PTPRG: variants seen among roughly 807,000 people sequenced by gnomAD.
The protein encoded by PTPRG is protein tyrosine phosphatase receptor type G.
A neutral mutation model predicts 165.3 loss-of-function variants in PTPRG; 102 were observed. The observed-to-expected ratio is 0.62, with a 90% confidence interval of 0.53 to 0.73. The LOEUF is 0.73. Among genes scored for constraint, PTPRG ranks in the 30% least tolerant of loss-of-function variants. The pLI is 0.00. For synonymous variants in PTPRG, 675 were observed against 669.5 expected (o/e 1.01, Z -0.13); for missense variants, 1,866 against 1,861.4 (o/e 1.00, Z -0.05).
chr3:61,865,212 A>T (rs1236945590), intron 2 of PTPRG, among the ~76,000 whole-genome samples: 1 of 152,090 alleles, frequency 6.6e-6, no homozygotes, highest in Non-Finnish European at 1.5e-5. Context: ...GCTTATTAGA[A>T]TGCTGTCAGT....
chr3:62,034,712 G>T (rs548126572), intron 4 of PTPRG, among the ~76,000 whole-genome samples: 1 of 152,288 alleles, frequency 6.6e-6, no homozygotes, highest in South Asian at 2.1e-4. Context: ...CCACTCAAAA[G>T]AAATTTTTTA....
intron 2 of PTPRG, among the ~76,000 whole-genome samples, chr3:61,935,923 C>A (rs1327252333): frequency 2.0e-5 from 3 of 152,012 alleles, no homozygotes. Context: ...GAAACTTAAT[C>A]CCCAGTGTAA....
chr3:62,080,648 T>G (rs979519565), intron 5 of PTPRG, among the ~76,000 whole-genome samples: 1 of 152,188 alleles, frequency 6.6e-6, no homozygotes, highest in Non-Finnish European at 1.5e-5. Flanking sequence ...AAAAAAACTT[T>G]TTAATGTTTT....
At chr3:62,206,044 G>A (rs542560944) in intron 12 of PTPRG, among the ~76,000 whole-genome samples, 4 of 152,156 alleles carry the variant, frequency 2.6e-5, no homozygotes, top group Non-Finnish European at 5.9e-5. Flanking sequence ...TATGGGCTCT[G>A]GCAAAGTAGC....
At chr3:61,942,860 T>C (rs879396812) in intron 2 of PTPRG, among the ~76,000 whole-genome samples, 3 of 152,220 alleles carry the variant, frequency 2.0e-5, no homozygotes, top group Non-Finnish European at 2.9e-5. Flanking sequence ...TTCCCAAACA[T>C]GATATGAAGA....
chr3:61,657,471 C>T (rs1444162469), intron 1 of PTPRG, among the ~76,000 whole-genome samples: 3 of 152,034 alleles, frequency 2.0e-5, no homozygotes, highest in African/African-American at 7.3e-5. Context: ...CCCGTCTCTA[C>T]ACAAAATAAA....
intron 26 of PTPRG, among the ~76,000 whole-genome samples, chr3:62,279,952 C>T (rs907830089): frequency 3.9e-5 from 6 of 152,088 alleles, no homozygotes; most frequent in Non-Finnish European, 7.4e-5. Context: ...GATTAGGATA[C>T]GTGGTGTACA....
chr3:62,003,522 G>A (rs138601102), intron 4 of PTPRG, 25 bp downstream of exon 4: 18 of 1,611,634 alleles, frequency 1.1e-5, no homozygotes, highest in East Asian at 2.2e-5. Context: ...AGATCTCAAC[G>A]TGTAGCTGTG....
intron 2 of PTPRG, among the ~76,000 whole-genome samples, chr3:61,984,905 C>T (rs1352241886): frequency 7.2e-5 from 11 of 152,050 alleles, no homozygotes; most frequent in Non-Finnish European, 1.3e-4. Context: ...TAGAATGTTC[C>T]CCAATTTGGG....
At chr3:61,837,562 G>A (rs367602198) in intron 2 of PTPRG, among the ~76,000 whole-genome samples, 74 of 152,306 alleles carry the variant, frequency 4.9e-4, no homozygotes, top group Middle Eastern at 3.4e-3. Flanking sequence ...ATAGACAAGA[G>A]CGGATCAGCA....
intron 3 of PTPRG, among the ~76,000 whole-genome samples, chr3:62,000,744 G>A (rs916083170): frequency 2.0e-5 from 3 of 152,188 alleles, no homozygotes; most frequent in Non-Finnish European, 4.4e-5. Context: ...AACTTTCTCT[G>A]AAAACAGAGA....
chr3:62,185,301 A>G (rs985704992), intron 8 of PTPRG, among the ~76,000 whole-genome samples: 9 of 152,188 alleles, frequency 5.9e-5, no homozygotes, highest in Non-Finnish European at 1.0e-4. Flanking sequence ...CACAGGGGAT[A>G]TTTGTTTAGA....
intron 1 of PTPRG, among the ~76,000 whole-genome samples, chr3:61,607,785 T>C (rs958418091): frequency 2.0e-5 from 3 of 152,106 alleles, no homozygotes; most frequent in Non-Finnish European, 4.4e-5. Context: ...AATAAATAAA[T>C]GCCATGTGGG....
In PTPRG at chr3:61,697,790, C is replaced by G. The variant is rs73842319; in HGVS notation, c.86-51088C>G. 2.5e-3 allele frequency among the ~76,000 whole-genome samples: 387 copies of G among 152,276 alleles called. 6 individuals are homozygous for G. Among genetic ancestry groups the G allele is most frequent in the African/African-American group, 9.0e-3 (373 of 41,556 alleles). ...CTTTCCCCTATGAAAAGGGTAGTTA[C>G]GCCTCAACCATTTGGCCCTTCTTTG... On this transcript the variant is annotated intron_variant, in intron 1 of 29. Transcript: ENST00000474889.
At position 62,167,951 on chromosome 3, in the gene PTPRG, C is replaced by A. The variant is rs757834576; in HGVS notation, c.841-20C>A. On this transcript the variant is annotated intron_variant, in intron 7 of 29. Transcript: ENST00000474889. ...GTGTTGTTTTTTTTTTCCCCCTCCC[C>A]TCTCTGGTCCTCTGTTCAGCTTGAG... 5.0e-6 allele frequency: 8 copies of A among 1,599,314 alleles called. No individual in the cohort carries two copies. In the East Asian group the frequency reaches 1.6e-4, roughly 31 times the overall value.
chr3:61,934,084 T>C (rs2039427553), intron 2 of PTPRG, among the ~76,000 whole-genome samples: 1 of 152,254 alleles, frequency 6.6e-6, no homozygotes, highest in African/African-American at 2.4e-5. Context: ...ATTTAGCTTG[T>C]TCTACAGGGT....
chr3:61,760,904 C>T (rs952520155), intron 2 of PTPRG, among the ~76,000 whole-genome samples: 4 of 152,258 alleles, frequency 2.6e-5, no homozygotes, highest in Admixed American at 1.3e-4. Context: ...GCTTCATTCA[C>T]ATCCCTGCAA....
chr3:61,985,193 A>T (rs1369853743), intron 2 of PTPRG, among the ~76,000 whole-genome samples: 3 of 152,240 alleles, frequency 2.0e-5, no homozygotes, highest in African/African-American at 7.2e-5. Flanking sequence ...CAAATGGGAA[A>T]TGCCTGAGTA....
intron 2 of PTPRG, among the ~76,000 whole-genome samples, chr3:61,918,673 C>T (rs964144183): frequency 1.3e-5 from 2 of 152,182 alleles, no homozygotes; most frequent in African/African-American, 4.8e-5. Flanking sequence ...GCTTCCTTTA[C>T]TCCTTTAAGG....
Sources: gnomAD v4.1 joint callset for allele counts (sites outside exome capture counted in the v4.1 genomes callset) on GRCh38, gnomAD v4.1.1 for gene constraint, MANE v1.5 for transcripts, NCBI Gene and HGNC (gene_info 2026-07-23, HGNC 2026-07-21) for gene names.